The following NKAIN3 variants were observed in gnomAD, a reference collection of about 807,000 sequenced individuals.
NKAIN3 encodes sodium/potassium-transporting ATPase subunit beta-1-interacting protein 3.
Under a neutral mutation model 30.2 loss-of-function variants are expected in NKAIN3, and 25 were observed. The observed-to-expected ratio is 0.83, with a 90% CI of 0.60 to 1.16. The LOEUF (loss-of-function observed/expected upper bound fraction) is 1.16, where lower values mean the gene tolerates loss of function less well. Ranked by LOEUF, NKAIN3 falls within the 50% of genes most tolerant of loss-of-function variation. The pLI is 0.00. For missense variants in NKAIN3, 225 were observed against 254.1 expected, an observed-to-expected ratio of 0.89 and a Z score of 0.78; for synonymous variants, 91 against 89.6, an observed-to-expected ratio of 1.02 and a Z score of -0.09.
intron 1 of NKAIN3, among the ~76,000 whole-genome samples, chr8:62,278,200 G>A (rs1320263416): frequency 2.0e-5 from 3 of 152,128 alleles, no homozygotes; most frequent in Admixed American, 6.5e-5. Context: ...CTCAGGTCAT[G>A]TAGACTGAAG....
chr8:62,435,138 G>A (rs1805129215), intron 1 of NKAIN3, among the ~76,000 whole-genome samples: 1 of 152,142 alleles, frequency 6.6e-6, no homozygotes, highest in Non-Finnish European at 1.5e-5. Context: ...CTAGCTGAGA[G>A]ATGACACTTC....
chr8:62,324,298 A>G (rs1815041611), intron 1 of NKAIN3, among the ~76,000 whole-genome samples: 1 of 152,162 alleles, frequency 6.6e-6, no homozygotes. Context: ...ATTGAAAAAG[A>G]AAGAACATAA....
intron 1 of NKAIN3, among the ~76,000 whole-genome samples, chr8:62,284,171 C>T (rs1003526362): frequency 1.9e-4 from 29 of 152,106 alleles, no homozygotes; most frequent in Admixed American, 2.6e-4. Flanking sequence ...GGTGGGCCAA[C>T]AGGCATTGGT....
intron 4 of NKAIN3, among the ~76,000 whole-genome samples, chr8:62,830,339 C>A (rs1819157519): frequency 6.6e-6 from 1 of 152,046 alleles, no homozygotes; most frequent in Non-Finnish European, 1.5e-5. Flanking sequence ...CCAGACTTTT[C>A]CCTTTATACT....
chr8:62,304,340 A>T (rs1395531464), intron 1 of NKAIN3, among the ~76,000 whole-genome samples: 1 of 150,410 alleles, frequency 6.6e-6, no homozygotes, highest in Non-Finnish European at 1.5e-5. Flanking sequence ...GTCCACTAAG[A>T]AGCTGTTTTC....
At chr8:62,565,929 A>G (rs1464196588) in intron 1 of NKAIN3, among the ~76,000 whole-genome samples, 5 of 152,168 alleles carry the variant, frequency 3.3e-5, no homozygotes, top group Non-Finnish European at 7.4e-5. Context: ...GAGTGTCTAT[A>G]CTATAAATGA....
chr8:62,685,821 T>A (rs1005727159), intron 3 of NKAIN3, among the ~76,000 whole-genome samples: 1 of 152,204 alleles, frequency 6.6e-6, no homozygotes, highest in Non-Finnish European at 1.5e-5. Context: ...GGATAAAGTG[T>A]TCTCAGATAA....
At chr8:62,609,542 T>C (rs1022532452) in intron 3 of NKAIN3, among the ~76,000 whole-genome samples, 4 of 152,174 alleles carry the variant, frequency 2.6e-5, no homozygotes, top group Admixed American at 1.3e-4. Context: ...AGAATATAAC[T>C]GGGGGATAAA....
At chr8:62,915,554 T>G (rs928095925) in intron 4 of NKAIN3, among the ~76,000 whole-genome samples, 4 of 152,178 alleles carry the variant, frequency 2.6e-5, no homozygotes, top group East Asian at 1.9e-4. Context: ...ACTGTAAGAT[T>G]TGTGTTGTTT....
intron 1 of NKAIN3, among the ~76,000 whole-genome samples, chr8:62,505,377 C>T (rs1464657956): frequency 6.6e-6 from 1 of 152,048 alleles, no homozygotes; most frequent in African/African-American, 2.4e-5. Flanking sequence ...GGAATATATA[C>T]AACAGTTCAT....
At chr8:62,921,782 T>A (rs1822284139) in intron 5 of NKAIN3, among the ~76,000 whole-genome samples, 1 of 152,216 alleles carries the variant, frequency 6.6e-6, no homozygotes, top group Non-Finnish European at 1.5e-5. Flanking sequence ...ATGATAGAAA[T>A]CTGTCAACAC....
chr8:62,347,719 G>T (rs1026979914), intron 1 of NKAIN3, among the ~76,000 whole-genome samples: 2 of 152,112 alleles, frequency 1.3e-5, no homozygotes, highest in Non-Finnish European at 2.9e-5. Flanking sequence ...AATTTAAGAA[G>T]TATTTTTGCA....
downstream of NKAIN3, among the ~76,000 whole-genome samples, chr8:62,987,096 ATAATTATTGGCTGCGTGTGG>A (rs1367527282): frequency 6.6e-6 from 1 of 152,206 alleles, no homozygotes; most frequent in Admixed American, 6.5e-5. Context: ...CACTCAATAT[ATAATTATTGGCTGCGTGTGG>A]TAGCTCATGC....
intron 5 of NKAIN3, among the ~76,000 whole-genome samples, chr8:62,933,999 AG>A (rs1188458560): frequency 1.2e-4 from 19 of 152,224 alleles, no homozygotes; most frequent in African/African-American, 4.3e-4. Flanking sequence ...GGAATGATTG[AG>A]GGCATATCTA....
At chr8:62,853,109 A>G (rs1191222206) in intron 4 of NKAIN3, among the ~76,000 whole-genome samples, 1 of 152,100 alleles carries the variant, frequency 6.6e-6, no homozygotes, top group East Asian at 1.9e-4. Flanking sequence ...CTAGGTCTCT[A>G]AGGACTTGCT....
chr8:62,563,764 G>T (rs1585951420), intron 1 of NKAIN3, among the ~76,000 whole-genome samples: 1 of 152,132 alleles, frequency 6.6e-6, no homozygotes, highest in African/African-American at 2.4e-5. Flanking sequence ...TCTACAGGAT[G>T]TTATGTACCC....
intron 1 of NKAIN3, among the ~76,000 whole-genome samples, chr8:62,454,619 A>G (rs573626377): frequency 1.9e-4 from 27 of 143,754 alleles, no homozygotes; most frequent in African/African-American, 7.8e-4. Flanking sequence ...CAGCATCATT[A>G]TATCTAGAAT....
chr8:62,536,511 T>G (rs1219570442), intron 1 of NKAIN3, among the ~76,000 whole-genome samples: 1 of 151,946 alleles, frequency 6.6e-6, no homozygotes, highest in Non-Finnish European at 1.5e-5. Context: ...CTGTAGAAAC[T>G]GAATAAGGAA....
At chr8:62,545,894 G>T (rs376453285) in intron 1 of NKAIN3, among the ~76,000 whole-genome samples, 19 of 152,216 alleles carry the variant, frequency 1.2e-4, no homozygotes, top group African/African-American at 4.6e-4. Flanking sequence ...TTTCCAAAAA[G>T]GCAGTGTAAG....
Sources: gnomAD v4.1 joint callset for allele counts (sites outside exome capture counted in the v4.1 genomes callset) on GRCh38, gnomAD v4.1.1 for gene constraint, MANE v1.5 for transcripts, NCBI Gene and HGNC (gene_info 2026-07-23, HGNC 2026-07-21) for gene names.